The following CDKN3 variants were observed in gnomAD, a reference collection of about 807,000 sequenced individuals.
CDKN3 encodes cyclin dependent kinase inhibitor 3.
A neutral mutation model predicts 36.1 loss-of-function variants in CDKN3; 19 were observed. The ratio of observed to expected loss-of-function variants is 0.53; its 90% CI spans 0.37 to 0.77. The LOEUF (loss-of-function observed/expected upper bound fraction) is 0.77. CDKN3 is among the 30% of genes least tolerant of loss of function. The probability of loss-of-function intolerance (pLI) is 0.00; values close to 1 mark genes in which losing one functional copy is unlikely to be tolerated. For synonymous variants in CDKN3, 71 were observed against 85.3 expected, an observed-to-expected ratio of 0.83 and a Z score of 0.92; for missense variants, 188 against 248.6, an observed-to-expected ratio of 0.76 and a Z score of 1.64.
intron 5 of CDKN3, among the ~76,000 whole-genome samples, chr14:54,415,485 C>G (rs1313520947): frequency 1.3e-5 from 2 of 152,202 alleles, no homozygotes; most frequent in Non-Finnish European, 2.9e-5. Flanking sequence ...TCGGTGATAC[C>G]CTATCTCTGG....
intron 6 of CDKN3, among the ~76,000 whole-genome samples, chr14:54,416,383 T>C (rs1368079293): frequency 1.3e-5 from 2 of 152,140 alleles, no homozygotes; most frequent in African/African-American, 2.4e-5. Context: ...TTGGATGATA[T>C]CAAAATTGAA....
chr14:54,408,412 A>G (rs1050057829), intron 3 of CDKN3, among the ~76,000 whole-genome samples: 2 of 152,206 alleles, frequency 1.3e-5, no homozygotes, highest in African/African-American at 2.4e-5. Flanking sequence ...ACATAGATCT[A>G]CCTTTCAGCC....
intron 3 of CDKN3, among the ~76,000 whole-genome samples, chr14:54,405,513 C>G (rs982347285): frequency 2.0e-5 from 3 of 152,054 alleles, no homozygotes; most frequent in Non-Finnish European, 4.4e-5. Flanking sequence ...GCTTTATGAA[C>G]CTGGGTGCTT....
intron 1 of CDKN3, among the ~76,000 whole-genome samples, chr14:54,397,931 G>A (rs558085805): frequency 1.3e-5 from 2 of 152,338 alleles, no homozygotes; most frequent in South Asian, 2.1e-4. Flanking sequence ...AGGAGTTGGA[G>A]ACAAGCCTAG....
chr14:54,415,769 A>G, intron 5 of CDKN3, 130 bp from the exon 6 acceptor site: 1 of 728,188 alleles, frequency 1.4e-6, no homozygotes, highest in Non-Finnish European at 2.4e-6. Context: ...AAAAATATTT[A>G]TTAATCTTCG....
chr14:54,400,618 C>G (rs959898093), intron 2 of CDKN3, among the ~76,000 whole-genome samples: 2 of 152,170 alleles, frequency 1.3e-5, no homozygotes, highest in Non-Finnish European at 2.9e-5. Flanking sequence ...ATATAATAGT[C>G]TCTCTTCTTA....
chr14:54,413,885 A>T, intron 5 of CDKN3: 1 of 1,282,236 alleles, frequency 7.8e-7, no homozygotes, highest in Non-Finnish European at 1.0e-6. Flanking sequence ...TGAAAACAAC[A>T]GAAATTTCTT....
At chr14:54,400,915 A>G (rs565905552) in intron 2 of CDKN3, among the ~76,000 whole-genome samples, 6 of 152,324 alleles carry the variant, frequency 3.9e-5, no homozygotes, top group African/African-American at 9.6e-5. Flanking sequence ...TCATCATATG[A>G]AATTATATCT....
chr14:54,405,521 C>T (rs182485155), intron 3 of CDKN3, among the ~76,000 whole-genome samples: 89 of 152,244 alleles, frequency 5.8e-4, no homozygotes, highest in Admixed American at 9.8e-4. Flanking sequence ...AACCTGGGTG[C>T]TTTTATGTTG....
At chr14:54,406,060 T>C (rs112158473) in intron 3 of CDKN3, among the ~76,000 whole-genome samples, 2,678 of 152,330 alleles carry the variant, frequency 0.018, 81 homozygotes, top group African/African-American at 0.06. Flanking sequence ...CAGCATGTGC[T>C]TGTCTGTAAA....
At chr14:54,417,781 A>C in intron 6 of CDKN3, 67 bp from the exon 7 acceptor site, 4 of 824,444 alleles carry the variant, frequency 4.9e-6, no homozygotes, top group Non-Finnish European at 7.8e-6. Context: ...GTCTTATTAA[A>C]TATAAAATGC....
chr14:54,407,029 G>A lies in CDKN3; in HGVS notation c.149-1716G>A, dbSNP rs112510632. Among the ~76,000 whole-genome samples the A allele has an allele frequency of 3.6e-3, 546 of 152,186 alleles. 5 individuals are homozygous for A. Among genetic ancestry groups the A allele is most frequent in the African/African-American group, 0.013 (532 of 41,530 alleles). ...GTGACTTTTGAATGGGGGTTTCTGC[G>A]TGGGCGTCCTTTCCGTTGATGTTGA... is the stretch of plus-strand genomic sequence containing the variant. On this transcript the variant is annotated intron_variant, in intron 3 of 7. Transcript: ENST00000335183.
intron 1 of CDKN3, 32 bp downstream of exon 1, chr14:54,397,109 G>A: frequency 6.7e-7 from 1 of 1,484,398 alleles, no homozygotes; most frequent in Non-Finnish European, 9.0e-7. Flanking sequence ...TTGGAGGAGC[G>A]AGGCGGCAGG....
intron 5 of CDKN3, chr14:54,412,919 T>C (rs1480252331): frequency 2.0e-6 from 1 of 508,906 alleles, no homozygotes; most frequent in South Asian, 1.4e-5. Context: ...GTATAGAAAT[T>C]ATATCAAATA....
intron 5 of CDKN3, among the ~76,000 whole-genome samples, chr14:54,412,530 T>C (rs986473250): frequency 2.0e-5 from 3 of 152,164 alleles, no homozygotes; most frequent in African/African-American, 7.2e-5. Flanking sequence ...TCTCATTGTG[T>C]GTCAGTGGCT....
At chr14:54,412,993 A>G (rs1049666524) in intron 5 of CDKN3, 2 of 437,116 alleles carry the variant, frequency 4.6e-6, no homozygotes, top group African/African-American at 2.0e-5. Context: ...TCTTAAACCT[A>G]TAGCCCAGGG....
At chr14:54,413,872 A>G (rs1483953836) in intron 5 of CDKN3, 1 of 1,323,430 alleles carries the variant, frequency 7.6e-7, no homozygotes. Flanking sequence ...CAAACCAGGT[A>G]GCTGAAAACA....
intron 5 of CDKN3, among the ~76,000 whole-genome samples, chr14:54,414,709 C>CTTTTTTTT (rs35670197): frequency 9.8e-6 from 1 of 102,142 alleles, no homozygotes; most frequent in Non-Finnish European, 2.0e-5. Flanking sequence ...CCGTGCCAGG[C>CTTTTTTTT]TTTTTTTTTT....
chr14:54,403,865 C>A (rs1566704938), intron 3 of CDKN3, among the ~76,000 whole-genome samples: 1 of 152,182 alleles, frequency 6.6e-6, no homozygotes, highest in South Asian at 2.1e-4. Flanking sequence ...GTTGAACCAA[C>A]CTTGCGTCCC....
Sources: gnomAD v4.1 joint callset for allele counts (sites outside exome capture counted in the v4.1 genomes callset) on GRCh38, gnomAD v4.1.1 for gene constraint, MANE v1.5 for transcripts, NCBI Gene and HGNC (gene_info 2026-07-23, HGNC 2026-07-21) for gene names.